Variants in GULP1 observed in about 807,000 individuals in gnomAD.
GULP1 encodes GULP PTB domain containing engulfment adaptor 1.
GULP1 carries 19 observed loss-of-function variants against 40.9 expected under a neutral mutation model. That is an observed-to-expected ratio of 0.46 (90% confidence interval 0.32 to 0.68). GULP1 has a LOEUF of 0.68. Ranked by LOEUF, GULP1 falls within the 30% of genes least tolerant of loss-of-function variation. The pLI, the probability that GULP1 is intolerant of heterozygous loss-of-function variation, is 0.03. For synonymous variants in GULP1, 119 were observed against 117.6 expected (o/e 1.01, Z -0.08); for missense variants, 312 against 362.2 (o/e 0.86, Z 1.12).
intron 2 of GULP1, among the ~76,000 whole-genome samples, chr2:188,399,243 TTC>T (rs1212645657): frequency 6.6e-6 from 1 of 152,152 alleles, no homozygotes; most frequent in East Asian, 1.9e-4. Context: ...AGCCAGACTG[TTC>T]TAGGCATCTA....
At chr2:188,475,446 T>C (rs1368195345) in intron 2 of GULP1, among the ~76,000 whole-genome samples, 1 of 152,042 alleles carries the variant, frequency 6.6e-6, no homozygotes, top group Admixed American at 6.6e-5. Flanking sequence ...GTTGTTTATA[T>C]TTTATTTTTT....
chr2:188,589,510 G>A lies in GULP1; in HGVS notation c.843+1561G>A, dbSNP rs1265418737. ...TCAAGGGTTGCACAGGTCATACAGA[G>A]TACTTCTCTAAAAATTTTTTAGATT... is the stretch of plus-strand genomic sequence containing the variant. On this transcript the variant is annotated intron_variant, in intron 11 of 11. Coordinates refer to ENST00000409830, the MANE Select transcript of GULP1 (RefSeq NM_016315.4). 5.6e-5 allele frequency: 19 copies of A among 341,506 alleles called. 1 individual carries two copies. 21.2% of individuals were successfully genotyped at this position (341,506 alleles called of 1,614,324 possible).
Position 188,383,823 on chromosome 2 carries a change from A to T in GULP1, c.-111A>T, listed in dbSNP as rs1429892408. 1 of 152,196 alleles carries T rather than the reference A, an allele frequency of 6.6e-6. No homozygotes were observed. The highest frequency in any genetic ancestry group is 2.4e-5 in the African/African-American group (1 of 41,452). 9.4% of individuals were successfully genotyped at this position (152,196 alleles called of 1,614,324 possible). On this transcript the variant is annotated 5_prime_UTR_variant, in exon 2 of 12. Coordinates refer to ENST00000409830, the MANE Select transcript of GULP1 (RefSeq NM_016315.4). ...AACTGATAGAAGAATTCTGATGGCAACTGTATGATAGAAGCTATATAAAGT... is the reference window on the plus strand; with the variant it reads ...AACTGATAGAAGAATTCTGATGGCATCTGTATGATAGAAGCTATATAAAGT...
intron 2 of GULP1, among the ~76,000 whole-genome samples, chr2:188,461,002 AT>A (rs1397084745): frequency 6.6e-6 from 1 of 152,228 alleles, no homozygotes; most frequent in Non-Finnish European, 1.5e-5. Context: ...GTCATGATGA[AT>A]AATCTTTTAA....
intron 7 of GULP1, among the ~76,000 whole-genome samples, chr2:188,565,386 C>T (rs1207162213): frequency 6.6e-6 from 1 of 151,872 alleles, no homozygotes; most frequent in Non-Finnish European, 1.5e-5. Context: ...TAGACTTCTA[C>T]AGGGAGTTAG....
At chr2:188,539,099 C>T (rs1689745145) in intron 6 of GULP1, among the ~76,000 whole-genome samples, 1 of 151,836 alleles carries the variant, frequency 6.6e-6, no homozygotes, top group African/African-American at 2.4e-5. Flanking sequence ...TCCCTTTCTG[C>T]TTTTCTCACG....
chr2:188,436,949 C>T (rs1420046071), intron 2 of GULP1, among the ~76,000 whole-genome samples: 1 of 152,060 alleles, frequency 6.6e-6, no homozygotes, highest in Non-Finnish European at 1.5e-5. Flanking sequence ...TGCAGCTGTT[C>T]TGCAATAAAC....
At chr2:188,579,557 A>G (rs1406828847) in intron 9 of GULP1, among the ~76,000 whole-genome samples, 4 of 152,080 alleles carry the variant, frequency 2.6e-5, no homozygotes, top group Admixed American at 6.6e-5. Context: ...TCTATACTTT[A>G]AAAGACCCAT....
At chr2:188,385,435 C>T (rs2152517653) in intron 2 of GULP1, among the ~76,000 whole-genome samples, 1 of 152,172 alleles carries the variant, frequency 6.6e-6, no homozygotes, top group South Asian at 2.1e-4. Context: ...ATTTTTTCCT[C>T]CTAAACCTCC....
At chr2:188,551,920 T>A in intron 7 of GULP1, among the ~76,000 whole-genome samples, 1 of 151,748 alleles carries the variant, frequency 6.6e-6, no homozygotes, top group East Asian at 1.9e-4. Context: ...TCTGTGATGA[T>A]TATAATATTG....
chr2:188,372,410 A>G (rs2047717742), intron 1 of GULP1, among the ~76,000 whole-genome samples: 1 of 152,084 alleles, frequency 6.6e-6, no homozygotes, highest in South Asian at 2.1e-4. Flanking sequence ...AATGTCTGCG[A>G]AAGTTTACAT....
At chr2:188,410,546 A>G (rs1411458768) in intron 2 of GULP1, among the ~76,000 whole-genome samples, 1 of 152,218 alleles carries the variant, frequency 6.6e-6, no homozygotes, top group Non-Finnish European at 1.5e-5. Flanking sequence ...CTGAATAGAC[A>G]TTTCTCAGAA....
intron 1 of GULP1, among the ~76,000 whole-genome samples, chr2:188,336,169 T>C (rs1421934171): frequency 7.2e-5 from 11 of 152,186 alleles, no homozygotes; most frequent in Non-Finnish European, 1.5e-5. Flanking sequence ...GCATGTTTTT[T>C]CCCTAGTCAA....
At chr2:188,336,719 T>C (rs1001362046) in intron 1 of GULP1, among the ~76,000 whole-genome samples, 1 of 152,160 alleles carries the variant, frequency 6.6e-6, no homozygotes. Flanking sequence ...TGTGGGCATG[T>C]AGATTTGAAG....
At chr2:188,548,322 C>T (rs1417653575) in intron 7 of GULP1, among the ~76,000 whole-genome samples, 1 of 151,932 alleles carries the variant, frequency 6.6e-6, no homozygotes, top group East Asian at 1.9e-4. Context: ...TTGCTGTATA[C>T]TAGTAGTGAA....
At chr2:188,495,277 C>T (rs1483654177) in intron 4 of GULP1, among the ~76,000 whole-genome samples, 1 of 152,030 alleles carries the variant, frequency 6.6e-6, no homozygotes, top group African/African-American at 2.4e-5. Flanking sequence ...ATACCCAATA[C>T]CTAGACTATA....
At chr2:188,523,108 T>C (rs1008090223) in intron 5 of GULP1, among the ~76,000 whole-genome samples, 2 of 152,236 alleles carry the variant, frequency 1.3e-5, no homozygotes, top group African/African-American at 4.8e-5. Context: ...ATATTTGTTT[T>C]GTAGCTTGCC....
chr2:188,519,079 A>G (rs1174594600), intron 4 of GULP1, among the ~76,000 whole-genome samples: 1 of 152,188 alleles, frequency 6.6e-6, no homozygotes, highest in Non-Finnish European at 1.5e-5. Flanking sequence ...TATAAGGCAT[A>G]AACTTTTTTT....
At chr2:188,294,444 C>T (rs903733987) in intron 1 of GULP1, 1 of 152,092 alleles carries the variant, frequency 6.6e-6, no homozygotes, top group Non-Finnish European at 1.5e-5. Context: ...CTTCCTAATT[C>T]CAAACCAGCT....
Sources: allele counts gnomAD v4.1 joint callset (sites outside exome capture counted in the v4.1 genomes callset), GRCh38; gene constraint gnomAD v4.1.1; transcripts MANE v1.5; gene names NCBI Gene and HGNC (gene_info 2026-07-23, HGNC 2026-07-21).